Variants in ATP13A4 observed in about 807,000 individuals in gnomAD.
ATP13A4 encodes probable cation-transporting ATPase 13A4.
ATP13A4 carries 114 observed loss-of-function variants against 142.5 expected under a neutral mutation model. The observed-to-expected ratio is 0.80, with a 90% confidence interval of 0.69 to 0.93. The LOEUF is 0.93. Among genes scored for constraint, ATP13A4 ranks in the 40% least tolerant of loss-of-function variants. The probability of loss-of-function intolerance (pLI) is 0.00; values close to 1 mark genes in which losing one functional copy is unlikely to be tolerated. For synonymous variants in ATP13A4, 488 were observed against 514.8 expected (o/e 0.95, Z 0.70); for missense variants, 1,392 against 1,454.0 (o/e 0.96, Z 0.69).
chr3:193,522,592 T>C (rs1721783253), intron 1 of ATP13A4, among the ~76,000 whole-genome samples: 1 of 152,208 alleles, frequency 6.6e-6, no homozygotes, highest in South Asian at 2.1e-4. Context: ...TCCCTCCTCC[T>C]CCTTAGCTCT....
At chr3:193,416,554 C>G (rs1198216498) in intron 25 of ATP13A4, among the ~76,000 whole-genome samples, 2 of 151,944 alleles carry the variant, frequency 1.3e-5, no homozygotes, top group African/African-American at 4.8e-5. Context: ...TAAGTGAAAA[C>G]AGCAAACTTG....
At chr3:193,579,338 G>T in intron 2 of ATP13A4, 1 of 212,690 alleles carries the variant, frequency 4.7e-6, no homozygotes, top group Non-Finnish European at 9.3e-6. Context: ...TAGATTGGAT[G>T]GCCAGTAGTG....
intron 2 of ATP13A4, among the ~76,000 whole-genome samples, chr3:193,512,292 T>G (rs1721182457): frequency 6.6e-6 from 1 of 151,794 alleles, no homozygotes; most frequent in Admixed American, 6.6e-5. Context: ...AAAGATGGAG[T>G]CTTCCATAGA....
chr3:193,491,009 A>T (rs1015982834), intron 6 of ATP13A4, among the ~76,000 whole-genome samples: 4 of 151,938 alleles, frequency 2.6e-5, no homozygotes, highest in Admixed American at 6.6e-5. Context: ...GGATTAGCTT[A>T]AAAAAAATTG....
chr3:193,568,351 T>A (rs1203980565), intron 2 of ATP13A4, among the ~76,000 whole-genome samples: 1 of 152,064 alleles, frequency 6.6e-6, no homozygotes, highest in Non-Finnish European at 1.5e-5. Flanking sequence ...GGGAAAAAAA[T>A]GGAACTAAAT....
upstream of ATP13A4, among the ~76,000 whole-genome samples, chr3:193,557,957 G>C (rs1426061194): frequency 6.6e-6 from 1 of 152,196 alleles, no homozygotes; most frequent in East Asian, 1.9e-4. Context: ...CTGCAGCATG[G>C]GCTGCATGAA....
intron 2 of ATP13A4, among the ~76,000 whole-genome samples, chr3:193,571,879 G>A (rs1424260995): frequency 6.6e-6 from 1 of 152,074 alleles, no homozygotes; most frequent in Non-Finnish European, 1.5e-5. Flanking sequence ...TAATAAAAAG[G>A]ACGTTAGGTA....
At chr3:193,448,990 A>T (rs1308383325) in intron 17 of ATP13A4, among the ~76,000 whole-genome samples, 1 of 152,216 alleles carries the variant, frequency 6.6e-6, no homozygotes, top group Non-Finnish European at 1.5e-5. Flanking sequence ...ACGGAGGTGC[A>T]AAGAAAAATA....
chr3:193,535,673 T>C (rs1722556345), intron 1 of ATP13A4, among the ~76,000 whole-genome samples: 1 of 150,870 alleles, frequency 6.6e-6, no homozygotes, highest in African/African-American at 2.4e-5. Flanking sequence ...ACAAAGAAAA[T>C]AATAAAGATA....
chr3:193,508,526 C>A (rs370912600), intron 2 of ATP13A4, among the ~76,000 whole-genome samples: 1 of 152,154 alleles, frequency 6.6e-6, no homozygotes, highest in African/African-American at 2.4e-5. Flanking sequence ...CTGGTAAGGA[C>A]CAAATGAGAC....
chr3:193,578,987 C>G (rs1724470758), intron 2 of ATP13A4: 1 of 208,862 alleles, frequency 4.8e-6, no homozygotes, highest in African/African-American at 2.3e-5. Flanking sequence ...TTTTTTCACA[C>G]CCTGTGTGTA....
At chr3:193,562,417 A>G (rs1242061830) in intron 2 of ATP13A4, among the ~76,000 whole-genome samples, 1 of 152,242 alleles carries the variant, frequency 6.6e-6, no homozygotes, top group Non-Finnish European at 1.5e-5. Flanking sequence ...TTCATCAGGC[A>G]TTTTTGTAAA....
chr3:193,577,244 T>C (rs1304658711), intron 2 of ATP13A4, among the ~76,000 whole-genome samples: 2 of 152,248 alleles, frequency 1.3e-5, no homozygotes, highest in African/African-American at 4.8e-5. Context: ...TTTGACATCA[T>C]TCAAAGCACT....
chr3:193,531,297 A>AGGGAGGGAGGAAGGAAGGGAG (rs1351666676), intron 1 of ATP13A4, among the ~76,000 whole-genome samples: 2 of 20,414 alleles, frequency 9.8e-5, no homozygotes, highest in Non-Finnish European at 1.7e-4. Context: ...GGAGGGAGGG[A>AGGGAGGGAGGAAGGAAGGGAG]GGAAGGAAGG....
chr3:193,442,492 T>C lies in ATP13A4; in HGVS notation c.2217A>G (p.Lys739=). The change falls in exon 19 of 30, where the codon AAA becomes AAG. Residue 739 remains lysine (K), a synonymous_variant. Transcript: ENST00000342695. ...RKSGMVSESQ[K]VILIEANETT... Reference sequence around the variant, plus strand: ...TTTCATTTGCCTCAATGAGAATGACTTTCTGGCTTTCAGAAACCATTCCAG... The same window carrying C: ...TTTCATTTGCCTCAATGAGAATGACCTTCTGGCTTTCAGAAACCATTCCAG... 1 of 1,614,050 alleles carries C rather than the reference T, an allele frequency of 6.2e-7. No individual in the cohort carries two copies. The highest frequency in any genetic ancestry group is 8.5e-7 in the Non-Finnish European group (1 of 1,179,862).
intron 2 of ATP13A4, among the ~76,000 whole-genome samples, chr3:193,507,672 A>G (rs1255397753): frequency 6.6e-6 from 1 of 152,208 alleles, no homozygotes; most frequent in Non-Finnish European, 1.5e-5. Flanking sequence ...TCATTTTTGT[A>G]GCTGTTTTCT....
upstream of ATP13A4, among the ~76,000 whole-genome samples, chr3:193,559,848 TTCTGTGAAGCTTACCTC>T (rs58195781): frequency 5.3e-5 from 8 of 152,304 alleles, no homozygotes; most frequent in East Asian, 1.4e-3. Context: ...GCAGCTCCCC[TTCTGTGAAGCTTACCTC>T]AGTTGACAGC....
rs377562531 is a variant in ATP13A4 at position 193,441,592 on chromosome 3, C to A, written c.2317-4G>T. 242 of 1,612,872 alleles carry A rather than the reference C, an allele frequency of 1.5e-4. 3 individuals carry two copies. In the South Asian group the frequency reaches 2.3e-3, roughly 15 times the overall value. On this transcript the variant is annotated splice_region_variant and splice_polypyrimidine_tract_variant and intron_variant, in intron 19 of 29. Transcript: ENST00000342695. Reference sequence around the variant, plus strand: ...CCCTGATGTTAATGTAATTGTCCTACAAAGCAAGACACAGTTATTTTAGAC... The same window carrying A: ...CCCTGATGTTAATGTAATTGTCCTAAAAAGCAAGACACAGTTATTTTAGAC...
intron 8 of ATP13A4, among the ~76,000 whole-genome samples, chr3:193,482,856 T>A (rs1457511486): frequency 6.6e-6 from 1 of 152,176 alleles, no homozygotes; most frequent in Non-Finnish European, 1.5e-5. Flanking sequence ...ATGTTAAATA[T>A]CTATCTAGTA....
Sources: allele counts gnomAD v4.1 joint callset (sites outside exome capture counted in the v4.1 genomes callset), GRCh38; gene constraint gnomAD v4.1.1; transcripts MANE v1.5; gene names NCBI Gene and HGNC (gene_info 2026-07-23, HGNC 2026-07-21).